VAV3: variants seen among roughly 807,000 people sequenced by gnomAD.
VAV3 encodes guanine nucleotide exchange factor VAV3.
A neutral mutation model predicts 131.2 loss-of-function variants in VAV3; 94 were observed. The observed-to-expected ratio is 0.72, with a 90% CI of 0.61 to 0.85. The LOEUF (loss-of-function observed/expected upper bound fraction) is 0.85. Among genes scored for constraint, VAV3 ranks in the 40% least tolerant of loss-of-function variants. The probability of loss-of-function intolerance (pLI) is 0.00; values close to 1 mark genes in which losing one functional copy is unlikely to be tolerated. For synonymous variants in VAV3, 349 were observed against 342.0 expected, an observed-to-expected ratio of 1.02 and a Z score of -0.22; for missense variants, 939 against 1,002.7, an observed-to-expected ratio of 0.94 and a Z score of 0.86.
chr1:107,843,091 G>T (rs1668800532), intron 2 of VAV3, among the ~76,000 whole-genome samples: 1 of 151,868 alleles, frequency 6.6e-6, no homozygotes, highest in Admixed American at 6.6e-5. Flanking sequence ...CAATAGTTTG[G>T]CTGTTCCAAT....
intron 12 of VAV3, among the ~76,000 whole-genome samples, chr1:107,753,549 T>TATATATATATATATATATACATACACAC (rs771773884): frequency 2.4e-5 from 2 of 82,052 alleles, no homozygotes; most frequent in African/African-American, 9.2e-5. Flanking sequence ...TATATATATA[T>TATATATATATATATATATACATACACAC]ACACACACAC....
chr1:107,663,000 G>A (rs1481282868), intron 19 of VAV3, among the ~76,000 whole-genome samples: 1 of 152,104 alleles, frequency 6.6e-6, no homozygotes, highest in Non-Finnish European at 1.5e-5. Context: ...TTCAATTACA[G>A]TTCTTTACAA....
chr1:107,769,743 C>A (rs1664934453), intron 6 of VAV3, among the ~76,000 whole-genome samples: 1 of 152,222 alleles, frequency 6.6e-6, no homozygotes. Flanking sequence ...TTCCCCACCC[C>A]TGTAATCTTC....
At chr1:107,681,511 CAA>C (rs1445562892) in intron 19 of VAV3, among the ~76,000 whole-genome samples, 1 of 152,098 alleles carries the variant, frequency 6.6e-6, no homozygotes, top group Non-Finnish European at 1.5e-5. Context: ...AAGCCTAAAT[CAA>C]AAGACAGCTG....
chr1:107,612,103 T>C (rs1652784906), intron 21 of VAV3, among the ~76,000 whole-genome samples: 2 of 151,824 alleles, frequency 1.3e-5, no homozygotes, highest in Admixed American at 1.3e-4. Flanking sequence ...AAACATTTTA[T>C]TGAGAATATA....
At chr1:107,956,505 C>T (rs1352537270) in intron 1 of VAV3, among the ~76,000 whole-genome samples, 1 of 152,138 alleles carries the variant, frequency 6.6e-6, no homozygotes, top group Non-Finnish European at 1.5e-5. Flanking sequence ...CAGTCAGCCA[C>T]AGCAACGGTA....
intron 2 of VAV3, among the ~76,000 whole-genome samples, chr1:107,849,861 A>G (rs1026195979): frequency 6.6e-6 from 1 of 152,054 alleles, no homozygotes; most frequent in Non-Finnish European, 1.5e-5. Context: ...AGGAACTTAA[A>G]CACATTTACA....
intron 1 of VAV3, among the ~76,000 whole-genome samples, chr1:107,931,223 G>A (rs1673424411): frequency 1.3e-5 from 2 of 152,132 alleles, no homozygotes; most frequent in Admixed American, 6.5e-5. Flanking sequence ...TTTGTTAGAT[G>A]TGATAATGGC....
At chr1:107,667,615 C>T (rs2101655190) in intron 19 of VAV3, among the ~76,000 whole-genome samples, 1 of 152,094 alleles carries the variant, frequency 6.6e-6, no homozygotes, top group African/African-American at 2.4e-5. Flanking sequence ...CACACACAAA[C>T]AAATCACAAC....
intron 20 of VAV3, among the ~76,000 whole-genome samples, chr1:107,624,291 G>A (rs977271948): frequency 6.6e-6 from 1 of 151,996 alleles, no homozygotes; most frequent in African/African-American, 2.4e-5. Flanking sequence ...GGAATCCTCT[G>A]ATCATGGGTG....
At chr1:107,771,099 TAAGTA>T (rs1238985199) in intron 5 of VAV3, among the ~76,000 whole-genome samples, 1 of 152,186 alleles carries the variant, frequency 6.6e-6, no homozygotes, top group Non-Finnish European at 1.5e-5. Context: ...TTTGGCAAAG[TAAGTA>T]AAGACCTTCA....
rs557983885 is a variant in VAV3 at position 107,761,317 on chromosome 1, C to T, written c.922-438G>A. Among the ~76,000 whole-genome samples, 28 of 149,746 alleles carry T rather than the reference C, an allele frequency of 1.9e-4. No homozygotes were observed. In the South Asian group the frequency reaches 5.9e-3, roughly 32 times the overall value. ...CTGAGGCAGGAGAATGGAGTGAACC[C>T]GGGAGGCGGAGCTTGCAGTGAGCTG... On this transcript the variant is annotated intron_variant, in intron 9 of 26. Transcript: ENST00000370056.
intron 17 of VAV3, among the ~76,000 whole-genome samples, chr1:107,699,739 T>C (rs565647281): frequency 1.9e-4 from 29 of 149,442 alleles, no homozygotes; most frequent in East Asian, 9.7e-4. Flanking sequence ...TTCTCTCTCT[T>C]TTTTTTTTTA....
chr1:107,704,900 G>A (rs994327739), intron 16 of VAV3, 60 bp downstream of exon 16: 41 of 1,516,196 alleles, frequency 2.7e-5, no homozygotes, highest in Admixed American at 6.8e-5. Context: ...AGAAAAGTCT[G>A]AAACACTTAG....
At chr1:107,841,506 C>G (rs1029797065) in intron 2 of VAV3, among the ~76,000 whole-genome samples, 1 of 152,134 alleles carries the variant, frequency 6.6e-6, no homozygotes, top group Non-Finnish European at 1.5e-5. Context: ...AGAAAACAAT[C>G]TTTCTCCACT....
At chr1:107,889,818 A>G (rs974484103) in intron 1 of VAV3, among the ~76,000 whole-genome samples, 1 of 152,200 alleles carries the variant, frequency 6.6e-6, no homozygotes, top group African/African-American at 2.4e-5. Context: ...TTAGGTGCAG[A>G]TTTGGAGAAC....
intron 1 of VAV3, among the ~76,000 whole-genome samples, chr1:107,903,122 T>A (rs904191309): frequency 2.0e-5 from 3 of 151,992 alleles, no homozygotes; most frequent in Non-Finnish European, 2.9e-5. Context: ...AGTTAAGACA[T>A]GGGAATGTGC....
At chr1:107,592,075 GTGTA>G (rs368751436) in intron 25 of VAV3, among the ~76,000 whole-genome samples, 55 of 152,062 alleles carry the variant, frequency 3.6e-4, no homozygotes, top group African/African-American at 1.2e-3. Context: ...GTGTGTGTGT[GTGTA>G]TGTATCTTCC....
chr1:107,599,050 T>A (rs1403360284), intron 24 of VAV3, among the ~76,000 whole-genome samples: 1 of 152,168 alleles, frequency 6.6e-6, no homozygotes, highest in Admixed American at 6.5e-5. Context: ...CATAGAATTA[T>A]CATACTGAAA....
Sources: gnomAD v4.1 joint callset for allele counts (sites outside exome capture counted in the v4.1 genomes callset) on GRCh38, gnomAD v4.1.1 for gene constraint, MANE v1.5 for transcripts, NCBI Gene and HGNC (gene_info 2026-07-23, HGNC 2026-07-21) for gene names.